Variants in TMOD3 observed in about 807,000 individuals in gnomAD.
TMOD3 encodes the protein tropomodulin 3, also known as tropomodulin-3.
TMOD3 carries 20 observed loss-of-function variants against 39.2 expected under a neutral mutation model. The ratio of observed to expected loss-of-function variants is 0.51; its 90% CI spans 0.36 to 0.74. The LOEUF is 0.74. Ranked by LOEUF, TMOD3 falls within the 30% of genes least tolerant of loss-of-function variation. TMOD3 has a pLI of 0.00. For missense variants in TMOD3, 381 were observed against 412.8 expected (o/e 0.92, Z 0.67); for synonymous variants, 143 against 145.8 (o/e 0.98, Z 0.14).
At chr15:51,904,916 G>A (rs960844849) in intron 9 of TMOD3, among the ~76,000 whole-genome samples, 7 of 152,176 alleles carry the variant, frequency 4.6e-5, no homozygotes, top group Non-Finnish European at 1.0e-4. Flanking sequence ...AAGCAGAAGC[G>A]AGAGAAAGCA....
At chr15:51,905,906 T>C (rs1193332650) in intron 9 of TMOD3, among the ~76,000 whole-genome samples, 1 of 116,974 alleles carries the variant, frequency 8.5e-6, no homozygotes, top group East Asian at 2.7e-4. Context: ...ATTGCGCCAC[T>C]GCAGTCCGCA....
intron 3 of TMOD3, among the ~76,000 whole-genome samples, chr15:51,881,345 C>A (rs964188215): frequency 2.0e-5 from 3 of 152,100 alleles, no homozygotes; most frequent in Non-Finnish European, 4.4e-5. Context: ...ATAAAAATTT[C>A]TTGCCAGATA....
chr15:51,902,795 G>A (rs1368707305), intron 9 of TMOD3, among the ~76,000 whole-genome samples: 4 of 151,922 alleles, frequency 2.6e-5, no homozygotes, highest in South Asian at 2.1e-4. Context: ...GGCTACAGGC[G>A]CCCGCCACCT....
At position 51,882,971 on chromosome 15, in the gene TMOD3, ATAAC is replaced by A. The variant is rs2056542483; in HGVS notation, c.284-4614_284-4611del. Among the ~76,000 whole-genome samples, 7 of 152,328 alleles carry A rather than the reference ATAAC, an allele frequency of 4.6e-5. No homozygotes were observed. The South Asian group carries it at 1.0e-3, about 23-fold the overall frequency. ...TTAATTTCTTTACTTCCACTTTTCTATAACTAAGCTTTGTATATATGCATTAAAA... is the reference window on the plus strand; with the variant it reads ...TTAATTTCTTTACTTCCACTTTTCTATAAGCTTTGTATATATGCATTAAAA... On this transcript the variant is annotated intron_variant, in intron 3 of 9. Transcript: ENST00000308580.
intron 2 of TMOD3, among the ~76,000 whole-genome samples, chr15:51,864,238 C>T (rs1038754602): frequency 2.7e-4 from 37 of 134,548 alleles, no homozygotes; most frequent in African/African-American, 1.0e-3. Context: ...TGTACTCCAG[C>T]TTGGGTGACA....
At chr15:51,885,284 C>CTT (rs67378569) in intron 3 of TMOD3, among the ~76,000 whole-genome samples, 5 of 126,972 alleles carry the variant, frequency 3.9e-5, no homozygotes, top group African/African-American at 5.8e-5. Context: ...TTTCTTTTTT[C>CTT]TTTTTTTTTT....
At position 51,914,814 on chromosome 15, in the gene TMOD3, C is replaced by T. The variant is rs992264977; in HGVS notation, c.*6004C>T. On this transcript the variant is annotated 3_prime_UTR_variant, in exon 10 of 10. Coordinates refer to ENST00000308580, the MANE Select transcript of TMOD3 (RefSeq NM_014547.5). ...TGGTGCGATCTCAGCTCACTGCAAC[C>T]TCCGCCTCCTGGGTTCAGATGATTT... 1 of 137,904 alleles carries T rather than the reference C, an allele frequency of 7.3e-6. No individual in the cohort carries two copies. The highest frequency in any genetic ancestry group is 1.5e-5 in the Non-Finnish European group (1 of 67,204). 8.5% of individuals were successfully genotyped at this position (137,904 alleles called of 1,614,324 possible). A position where few individuals can be genotyped will look rare whatever the true frequency, so the allele number is the denominator to read the frequency against.
At chr15:51,888,928 T>G in intron 4 of TMOD3, 128 bp from the exon 5 acceptor site, 1 of 601,924 alleles carries the variant, frequency 1.7e-6, no homozygotes, top group Non-Finnish European at 2.9e-6. Context: ...TTTTGTTTTC[T>G]GTGTGGGTGT....
intron 1 of TMOD3, among the ~76,000 whole-genome samples, chr15:51,853,708 C>T (rs2056373409): frequency 1.3e-5 from 2 of 150,760 alleles, no homozygotes. Context: ...ACTCAGGAGG[C>T]TGAGGAGGAG....
At chr15:51,868,740 G>A (rs1045391688) in intron 2 of TMOD3, among the ~76,000 whole-genome samples, 2 of 152,230 alleles carry the variant, frequency 1.3e-5, no homozygotes, top group African/African-American at 4.8e-5. Context: ...GGGCAGCCGA[G>A]GAGGGCAGAT....
chr15:51,862,545 A>ATT lies in TMOD3; in HGVS notation c.-74-265_-74-264dup, dbSNP rs553214901. On this transcript the variant is annotated intron_variant, in intron 1 of 9. Coordinates refer to ENST00000308580, the MANE Select transcript of TMOD3 (RefSeq NM_014547.5). ...ATAATTTCTTTCCCCCTAAAATTTA[A>ATT]TTATTAGAAATTCTAAATTCTATCA... is the stretch of plus-strand genomic sequence containing the variant. Among the ~76,000 whole-genome samples, 408 of 152,300 alleles carry ATT rather than the reference A, an allele frequency of 2.7e-3. 1 individual carries two copies. The Middle Eastern group carries it at 0.027, about 10-fold the overall frequency.
chr15:51,883,615 G>A (rs2056545337), intron 3 of TMOD3, among the ~76,000 whole-genome samples: 1 of 152,154 alleles, frequency 6.6e-6, no homozygotes, highest in African/African-American at 2.4e-5. Flanking sequence ...TGTTTAGTCA[G>A]TGAATACCAT....
chr15:51,830,871 C>G (rs1008235108), intron 1 of TMOD3, among the ~76,000 whole-genome samples: 4 of 152,186 alleles, frequency 2.6e-5, no homozygotes, highest in Non-Finnish European at 4.4e-5. Flanking sequence ...CACCTTTTCA[C>G]CTTTAAGAGT....
intron 3 of TMOD3, chr15:51,884,779 A>G (rs2056551415): frequency 6.6e-6 from 1 of 152,290 alleles, no homozygotes; most frequent in African/African-American, 2.4e-5. Context: ...AGGCCTCCAC[A>G]CTGAGAATGG....
chr15:51,908,814 T>C lies in TMOD3; in HGVS notation c.*4T>C, dbSNP rs976032846. ...AGTTGAAGGAGATCACCAGTAAGTC[T>C]GCAAAGGTGTAATCTTTGGAAGACT... On this transcript the variant is annotated 3_prime_UTR_variant, in exon 10 of 10. Coordinates refer to ENST00000308580, the MANE Select transcript of TMOD3 (RefSeq NM_014547.5). The C allele has an allele frequency of 3.7e-6, 6 of 1,606,240 alleles. No homozygotes were observed. Among genetic ancestry groups the C allele is most frequent in the Admixed American group, 1.7e-5 (1 of 58,664 alleles).
intron 9 of TMOD3, 108 bp from the exon 10 acceptor site, chr15:51,908,668 T>C (rs2056694512): frequency 1.3e-6 from 1 of 778,034 alleles, no homozygotes; most frequent in Admixed American, 3.4e-5. Flanking sequence ...CATTTCAATT[T>C]TGTAAAACTT....
chr15:51,903,129 T>TC (rs2056661591), intron 9 of TMOD3, among the ~76,000 whole-genome samples: 1 of 152,170 alleles, frequency 6.6e-6, no homozygotes, highest in Non-Finnish European at 1.5e-5. Context: ...TTGCTCGTCT[T>TC]CCTAAAAGGA....
At chr15:51,875,445 A>G (rs1566860602) in intron 3 of TMOD3, among the ~76,000 whole-genome samples, 1 of 152,092 alleles carries the variant, frequency 6.6e-6, no homozygotes, top group Non-Finnish European at 1.5e-5. Flanking sequence ...TATCATTTGA[A>G]TGATTCACTG....
intron 1 of TMOD3, among the ~76,000 whole-genome samples, chr15:51,842,066 G>T (rs980556799): frequency 3.9e-5 from 6 of 152,192 alleles, no homozygotes; most frequent in Non-Finnish European, 7.3e-5. Flanking sequence ...GTGAGCCACT[G>T]TGCCTGGCCT....
Sources: allele counts gnomAD v4.1 joint callset (sites outside exome capture counted in the v4.1 genomes callset), GRCh38; gene constraint gnomAD v4.1.1; transcripts MANE v1.5; gene names NCBI Gene and HGNC (gene_info 2026-07-23, HGNC 2026-07-21).